Variants in MAP2 observed in about 807,000 individuals in gnomAD.
MAP2 encodes the protein microtubule-associated protein 2.
In MAP2, 14 loss-of-function variants were observed where a neutral mutation model predicts 137.6. The observed-to-expected ratio is 0.10, with a 90% CI of 0.07 to 0.16. The LOEUF (loss-of-function observed/expected upper bound fraction) is 0.16, where lower values mean the gene tolerates loss of function less well. Ranked by LOEUF, MAP2 falls within the 10% of genes least tolerant of loss-of-function variation. The pLI is 1.00. For synonymous variants in MAP2, 786 were observed against 782.3 expected, an observed-to-expected ratio of 1.00 and a Z score of -0.08; for missense variants, 2,088 against 2,191.5, an observed-to-expected ratio of 0.95 and a Z score of 0.94.
intron 5 of MAP2, among the ~76,000 whole-genome samples, chr2:209,673,929 T>TATCTA (rs2050052299): frequency 6.6e-6 from 1 of 151,808 alleles, no homozygotes; most frequent in Admixed American, 6.6e-5. Context: ...TCTTCAGAAT[T>TATCTA]AGACAGGATT....
intron 3 of MAP2, among the ~76,000 whole-genome samples, chr2:209,593,897 A>G: frequency 3.1e-5 from 1 of 31,936 alleles, no homozygotes; most frequent in South Asian, 5.1e-4. Flanking sequence ...ATATTATTAA[A>G]ATATATAAGT....
chr2:209,587,311 C>T (rs1468157408), intron 3 of MAP2, among the ~76,000 whole-genome samples: 2 of 152,114 alleles, frequency 1.3e-5, no homozygotes, highest in South Asian at 4.1e-4. Context: ...ACTAAAAGCC[C>T]CGGGTGACTC....
chr2:209,598,988 A>G (rs1176742836), intron 3 of MAP2, among the ~76,000 whole-genome samples: 224 of 152,034 alleles, frequency 1.5e-3, no homozygotes, highest in African/African-American at 5.1e-3. Flanking sequence ...GGGTCAAATG[A>G]TATTTCTAGT....
intron 3 of MAP2, among the ~76,000 whole-genome samples, chr2:209,615,090 G>A (rs1054701728): frequency 4.6e-5 from 7 of 152,158 alleles, no homozygotes; most frequent in African/African-American, 1.7e-4. Flanking sequence ...GTCAGAGGGT[G>A]TGGAGCTCAG....
intron 4 of MAP2, among the ~76,000 whole-genome samples, chr2:209,638,270 C>T (rs1345280823): frequency 6.6e-6 from 1 of 152,038 alleles, no homozygotes; most frequent in Non-Finnish European, 1.5e-5. Context: ...AGAGAGAAGT[C>T]AAACAGTATA....
At chr2:209,589,918 A>C (rs183943444) in intron 3 of MAP2, among the ~76,000 whole-genome samples, 1 of 152,292 alleles carries the variant, frequency 6.6e-6, no homozygotes, top group East Asian at 1.9e-4. Context: ...ATAAAGAAAA[A>C]GTTTAAACTG....
In MAP2 at chr2:209,722,597, C is replaced by T. The variant is rs146110659; in HGVS notation, c.5074-3112C>T. ...AAAGTAAAACAAAATGAACAAATAACGACAATAACACAAATAAAGCTTTCT... is the reference window on the plus strand; with the variant it reads ...AAAGTAAAACAAAATGAACAAATAATGACAATAACACAAATAAAGCTTTCT... On this transcript the variant is annotated intron_variant, in intron 13 of 15. Coordinates refer to ENST00000682079, the MANE Select transcript of MAP2 (RefSeq NM_001375505.1). Among the ~76,000 whole-genome samples, 69 of 151,906 alleles carry T rather than the reference C, an allele frequency of 4.5e-4. No individual in the cohort carries two copies. The East Asian group carries it at 8.7e-3, about 19-fold the overall frequency.
In MAP2 at chr2:209,694,679, G is replaced by A. The variant is rs1167399216; in HGVS notation, c.2509G>A (p.Glu837Lys). The A allele has an allele frequency of 6.2e-7, 1 of 1,614,164 alleles. No homozygotes were observed. The highest frequency in any genetic ancestry group is 8.5e-7 in the Non-Finnish European group (1 of 1,180,018). Residue 837 changes from glutamate (E) to lysine (K), a missense_variant, in exon 8 of 16, where the codon GAG becomes AAG. Glu to Lys is a moderately conservative substitution (Grantham distance 56, BLOSUM62 1). Around this residue, in one of 6 missense-constraint regions of MAP2, gnomAD observed 500 missense variants for 482.9 expected, o/e 1.04. Transcript: ENST00000682079. ...EVARRKSVPS[E>K]TVVEDSRTGL... is the part of the protein sequence containing the mutation. ...TGCCAGGAGGAAATCAGTCCCATCA[G>A]AGACTGTGGTTGAGGATAGTCGTAC... is the stretch of plus-strand genomic sequence containing the variant.
chr2:209,522,007 A>G (rs1025914013), intron 2 of MAP2, among the ~76,000 whole-genome samples: 4 of 152,230 alleles, frequency 2.6e-5, no homozygotes, highest in Non-Finnish European at 5.9e-5. Flanking sequence ...TCATAAATAA[A>G]ATTCAAATGA....
At chr2:209,438,146 GTGT>G (rs573824671) in intron 1 of MAP2, among the ~76,000 whole-genome samples, 55 of 151,660 alleles carry the variant, frequency 3.6e-4, no homozygotes, top group African/African-American at 1.3e-3. Context: ...TGAAAAGATG[GTGT>G]TGTACTTTGC....
chr2:209,454,007 C>T (rs1700899378), intron 1 of MAP2, among the ~76,000 whole-genome samples: 1 of 151,826 alleles, frequency 6.6e-6, no homozygotes, highest in Admixed American at 6.6e-5. Flanking sequence ...AAAAATTAGC[C>T]AGGCGTGGTG....
At chr2:209,679,642 AT>A (rs1284821851) in intron 6 of MAP2, among the ~76,000 whole-genome samples, 6 of 152,178 alleles carry the variant, frequency 3.9e-5, no homozygotes, top group East Asian at 3.9e-4. Context: ...AGTAATAAAA[AT>A]AATCTGCCCT....
At chr2:209,593,484 G>A (rs1228001375) in intron 3 of MAP2, among the ~76,000 whole-genome samples, 1 of 147,974 alleles carries the variant, frequency 6.8e-6, no homozygotes, top group East Asian at 2.0e-4. Flanking sequence ...GGCAGAATCT[G>A]TCAAGATGCA....
At chr2:209,531,583 C>T (rs899609086) in intron 2 of MAP2, among the ~76,000 whole-genome samples, 12 of 152,110 alleles carry the variant, frequency 7.9e-5, no homozygotes, top group African/African-American at 2.7e-4. Flanking sequence ...ACCTTCAATA[C>T]CCTTGAGTTA....
chr2:209,480,964 A>G (rs4673482), intron 1 of MAP2, among the ~76,000 whole-genome samples: 80,295 of 151,836 alleles, frequency 0.53, 22,226 homozygotes, highest in Middle Eastern at 0.63. Flanking sequence ...TGGGTTCATC[A>G]TAAGGCTCTT....
At chr2:209,428,326 G>C (rs1334602018) in intron 1 of MAP2, among the ~76,000 whole-genome samples, 1 of 151,142 alleles carries the variant, frequency 6.6e-6, no homozygotes, top group East Asian at 1.9e-4. Context: ...GGAAGTTGGG[G>C]AAAGTTTTAG....
chr2:209,512,104 A>G (rs1195517452), intron 2 of MAP2, among the ~76,000 whole-genome samples: 1 of 152,072 alleles, frequency 6.6e-6, no homozygotes, highest in Non-Finnish European at 1.5e-5. Context: ...TATTATCTGT[A>G]AAATGGAAAC....
intron 8 of MAP2, 26 bp from the exon 9 acceptor site, chr2:209,696,516 T>C (rs2153725144): frequency 6.4e-7 from 1 of 1,570,076 alleles, no homozygotes; most frequent in Middle Eastern, 1.7e-4. Context: ...GTTGTTGTTG[T>C]TGTCATGATT....
rs1484950781 is a variant in MAP2 at position 209,429,281 on chromosome 2, G to GT, written c.-222+5006dup. ...ACTTTAAAGACATTTTCAGACAAAA[G>GT]TAATACATGTATACAACGAATTTTT... On this transcript the variant is annotated intron_variant, in intron 1 of 15. Transcript: ENST00000682079. Among the ~76,000 whole-genome samples, 8 of 152,190 alleles carry GT rather than the reference G, an allele frequency of 5.3e-5. No individual in the cohort carries two copies. The East Asian group carries it at 1.5e-3, about 29-fold the overall frequency.
Sources: allele counts gnomAD v4.1 joint callset (sites outside exome capture counted in the v4.1 genomes callset), GRCh38; gene constraint gnomAD v4.1.1; regional missense constraint gnomAD v4.1.1; transcripts MANE v1.5; gene names NCBI Gene and HGNC (gene_info 2026-07-23, HGNC 2026-07-21).